COL21A1: variants seen among roughly 807,000 people sequenced by gnomAD.
COL21A1 encodes the protein collagen alpha-1(XXI) chain.
In COL21A1, 149 loss-of-function variants were observed where a neutral mutation model predicts 137.9. The ratio of observed to expected loss-of-function variants is 1.08; its 90% CI spans 0.95 to 1.24. The LOEUF (loss-of-function observed/expected upper bound fraction) is 1.24, where lower values mean the gene tolerates loss of function less well. Among genes scored for constraint, COL21A1 ranks in the 50% most tolerant of loss-of-function variants. The pLI is 0.00. For missense variants in COL21A1, 1,167 were observed against 1,158.4 expected (o/e 1.01, Z -0.11); for synonymous variants, 456 against 391.5 (o/e 1.16, Z -1.95).
chr6:56,296,754 A>C (rs1327657043), intron 1 of COL21A1, among the ~76,000 whole-genome samples: 1 of 152,032 alleles, frequency 6.6e-6, no homozygotes, highest in Non-Finnish European at 1.5e-5. Context: ...CTAACCACCA[A>C]CATTTTACAT....
At chr6:56,359,673 C>T (rs919080157) in intron 1 of COL21A1, among the ~76,000 whole-genome samples, 1 of 152,116 alleles carries the variant, frequency 6.6e-6, no homozygotes, top group African/African-American at 2.4e-5. Flanking sequence ...TTCAGTCATG[C>T]TTAAGATTGA....
At chr6:56,271,606 A>G (rs999013844) in intron 1 of COL21A1, among the ~76,000 whole-genome samples, 2 of 152,212 alleles carry the variant, frequency 1.3e-5, no homozygotes, top group African/African-American at 4.8e-5. Context: ...TAGGTGCTGA[A>G]TATTAAGAGT....
At chr6:56,101,579 C>G (rs1049617671) in intron 16 of COL21A1, 54 bp from the exon 17 acceptor site, 6 of 1,257,904 alleles carry the variant, frequency 4.8e-6, no homozygotes, top group Non-Finnish European at 6.8e-6. Flanking sequence ...GGTCTGCTTA[C>G]CAAAATAACA....
chr6:56,378,515 G>C (rs769170223), intron 1 of COL21A1, among the ~76,000 whole-genome samples: 3 of 152,160 alleles, frequency 2.0e-5, no homozygotes, highest in Non-Finnish European at 4.4e-5. Flanking sequence ...AAGGAAGAAT[G>C]GGAAGGGCTA....
chr6:56,374,376 C>T (rs998867427), intron 1 of COL21A1, among the ~76,000 whole-genome samples: 1 of 152,116 alleles, frequency 6.6e-6, no homozygotes, highest in East Asian at 1.9e-4. Context: ...CTAATTCTAC[C>T]TCCCCAGTAG....
chr6:56,105,770 C>T (rs925475601), intron 16 of COL21A1, among the ~76,000 whole-genome samples: 1 of 152,200 alleles, frequency 6.6e-6, no homozygotes, highest in Admixed American at 6.5e-5. Context: ...AATACATGTA[C>T]AGTGCTGTAA....
At chr6:56,288,723 A>ACTT (rs1184238587) in intron 1 of COL21A1, among the ~76,000 whole-genome samples, 5 of 152,252 alleles carry the variant, frequency 3.3e-5, no homozygotes, top group African/African-American at 9.6e-5. Flanking sequence ...ACCAGTTAGC[A>ACTT]CTTTAATGAT....
At chr6:56,195,997 C>T (rs1173172723) in intron 1 of COL21A1, among the ~76,000 whole-genome samples, 2 of 152,082 alleles carry the variant, frequency 1.3e-5, no homozygotes, top group Non-Finnish European at 2.9e-5. Context: ...CTAAATTCAA[C>T]AGTACATTCA....
intron 1 of COL21A1, among the ~76,000 whole-genome samples, chr6:56,311,765 C>A (rs1050016663): frequency 6.6e-6 from 1 of 152,120 alleles, no homozygotes; most frequent in African/African-American, 2.4e-5. Flanking sequence ...ATGGTCACTC[C>A]CTTTGAGGAA....
At chr6:56,280,029 A>G (rs1763755412) in intron 1 of COL21A1, among the ~76,000 whole-genome samples, 1 of 152,142 alleles carries the variant, frequency 6.6e-6, no homozygotes, top group African/African-American at 2.4e-5. Context: ...ACAGAACACA[A>G]AAAGCTACCA....
intron 1 of COL21A1, among the ~76,000 whole-genome samples, chr6:56,320,848 A>G (rs775488599): frequency 6.6e-6 from 1 of 152,066 alleles, no homozygotes; most frequent in Non-Finnish European, 1.5e-5. Flanking sequence ...TTACATCTTC[A>G]TCTCACTATA....
At chr6:56,099,122 T>G (rs557821467) in intron 17 of COL21A1, among the ~76,000 whole-genome samples, 70 of 152,068 alleles carry the variant, frequency 4.6e-4, no homozygotes, top group African/African-American at 1.7e-3. Flanking sequence ...CTACACAGAC[T>G]TGCCGGTCAG....
In COL21A1 at chr6:56,304,749, C is replaced by T. The variant is rs897391821; in HGVS notation, c.-39+89222G>A. Among the ~76,000 whole-genome samples the T allele has an allele frequency of 9.6e-4, 146 of 152,166 alleles. 5 individuals are homozygous for T. Among genetic ancestry groups the T allele is most frequent in the Non-Finnish European group, 4.4e-4 (30 of 67,992 alleles). ...CTATTTCCTTCAGTTCTGCTCTGATCTTAGTTGTTTCTTGCCTTCTGCTAG... is the reference window on the plus strand; with the variant it reads ...CTATTTCCTTCAGTTCTGCTCTGATTTTAGTTGTTTCTTGCCTTCTGCTAG... On this transcript the variant is annotated intron_variant, in intron 1 of 28. Transcript: ENST00000370819.
At chr6:56,284,178 G>T (rs1763850292) in intron 1 of COL21A1, among the ~76,000 whole-genome samples, 1 of 151,980 alleles carries the variant, frequency 6.6e-6, no homozygotes. Context: ...CTTCCAAGTA[G>T]CTGGGACTAC....
chr6:56,191,691 G>GA (rs35069262), intron 1 of COL21A1, among the ~76,000 whole-genome samples: 94,863 of 151,516 alleles, frequency 0.63, 30,001 homozygotes, highest in East Asian at 0.86. Flanking sequence ...ACTTACAAGG[G>GA]AAGGACCTCT....
intron 2 of COL21A1, among the ~76,000 whole-genome samples, chr6:56,181,419 C>T (rs983613126): frequency 2.6e-5 from 4 of 151,022 alleles, no homozygotes; most frequent in Non-Finnish European, 3.0e-5. Context: ...TGCAGGGAGA[C>T]GAAAGGATAG....
chr6:56,144,739 A>G (rs933571375), intron 10 of COL21A1, among the ~76,000 whole-genome samples: 10 of 152,178 alleles, frequency 6.6e-5, no homozygotes, highest in Admixed American at 6.6e-4. Flanking sequence ...CTGACTCATA[A>G]TGTGACCTCA....
At chr6:56,070,974 G>A (rs1001963123) in intron 20 of COL21A1, among the ~76,000 whole-genome samples, 176 bp from the exon 21 acceptor site, 33 of 151,386 alleles carry the variant, frequency 2.2e-4, no homozygotes, top group African/African-American at 7.5e-4. Context: ...AATCTTTTAG[G>A]CAAGGAAGGG....
At chr6:56,092,368 A>G (rs1389351984) in intron 17 of COL21A1, among the ~76,000 whole-genome samples, 1 of 152,168 alleles carries the variant, frequency 6.6e-6, no homozygotes, top group Non-Finnish European at 1.5e-5. Flanking sequence ...TTACGCATAC[A>G]TATTTATATA....
Sources: allele counts gnomAD v4.1 joint callset (sites outside exome capture counted in the v4.1 genomes callset), GRCh38; gene constraint gnomAD v4.1.1; transcripts MANE v1.5; gene names NCBI Gene and HGNC (gene_info 2026-07-23, HGNC 2026-07-21).